The following FMN1 variants were observed in gnomAD, a reference collection of about 807,000 sequenced individuals.
FMN1 encodes formin 1.
In FMN1, 110 loss-of-function variants were observed where a neutral mutation model predicts 132.4. That is an observed-to-expected ratio of 0.83 (90% CI 0.71 to 0.97). The LOEUF (loss-of-function observed/expected upper bound fraction) is 0.97. Among genes scored for constraint, FMN1 ranks in the 50% least tolerant of loss-of-function variants. The pLI is 0.00. For missense variants in FMN1, 1,792 were observed against 1,705.3 expected (o/e 1.05, Z -0.90); for synonymous variants, 722 against 651.7 (o/e 1.11, Z -1.64).
chr15:32,908,965 G>T (rs757157124), intron 11 of FMN1, among the ~76,000 whole-genome samples: 14 of 152,146 alleles, frequency 9.2e-5, no homozygotes, highest in Non-Finnish European at 1.9e-4. Flanking sequence ...CTTACTCTTA[G>T]AACAGCCCTA....
chr15:33,049,508 G>T lies in FMN1; in HGVS notation c.2161+15449C>A, dbSNP rs191637685. 6.5e-3 allele frequency among the ~76,000 whole-genome samples: 985 copies of T among 152,298 alleles called. 9 individuals are homozygous for T. Among genetic ancestry groups the T allele is most frequent in the African/African-American group, 0.022 (913 of 41,544 alleles). On this transcript the variant is annotated intron_variant, in intron 6 of 20. Transcript: ENST00000616417. ...TTTCAAGACCAAATTAGTAATTTAT[G>T]ATGGTGATAGTGATAGTAATGACTA...
intron 19 of FMN1, among the ~76,000 whole-genome samples, chr15:32,788,581 A>G (rs1313471777): frequency 6.6e-6 from 1 of 152,200 alleles, no homozygotes; most frequent in African/African-American, 2.4e-5. Context: ...GCGCCCCTCA[A>G]ATCATTCTAC....
intron 7 of FMN1, among the ~76,000 whole-genome samples, chr15:32,989,740 A>G (rs2033316514): frequency 6.6e-6 from 1 of 152,186 alleles, no homozygotes; most frequent in Non-Finnish European, 1.5e-5. Flanking sequence ...GGCCTATGTT[A>G]GGATGATGGG....
In FMN1 at chr15:32,963,852, C is replaced by T. The variant is rs375440996; in HGVS notation, c.3138+255G>A. Reference sequence around the variant, plus strand: ...ACTATTGGCTCCCTTTGCCATCTGCCACTCAAAACCTTCTGAAACATTTCA... The same window carrying T: ...ACTATTGGCTCCCTTTGCCATCTGCTACTCAAAACCTTCTGAAACATTTCA... On this transcript the variant is annotated intron_variant, in intron 9 of 20. Coordinates refer to ENST00000616417, the MANE Select transcript of FMN1 (RefSeq NM_001277313.2). Among the ~76,000 whole-genome samples, 5 of 151,988 alleles carry T rather than the reference C, an allele frequency of 3.3e-5. No homozygotes were observed. The East Asian group carries it at 7.7e-4, about 24-fold the overall frequency.
intron 16 of FMN1, among the ~76,000 whole-genome samples, chr15:32,865,474 AGATGCACATGTAATT>A (rs1408212861): frequency 6.6e-6 from 1 of 152,236 alleles, no homozygotes. Flanking sequence ...AATGAGTTTG[AGATGCACATGTAATT>A]GAGAAATTAA....
At chr15:33,110,522 A>C (rs986565099) in intron 4 of FMN1, among the ~76,000 whole-genome samples, 2 of 152,012 alleles carry the variant, frequency 1.3e-5, no homozygotes, top group Non-Finnish European at 2.9e-5. Flanking sequence ...ATAGTTTTGT[A>C]ACAAAAAGGT....
At chr15:33,081,783 T>C (rs2038470289) in intron 5 of FMN1, among the ~76,000 whole-genome samples, 1 of 152,080 alleles carries the variant, frequency 6.6e-6, no homozygotes, top group African/African-American at 2.4e-5. Flanking sequence ...AAGGGCAGGG[T>C]CTGGCCTTTA....
At chr15:32,950,024 TATATATATACAC>T (rs2061606626) in intron 9 of FMN1, among the ~76,000 whole-genome samples, 3 of 10,544 alleles carry the variant, frequency 2.8e-4, no homozygotes, top group African/African-American at 1.0e-3. Context: ...TACACATATA[TATATATATACAC>T]ATATATATAT....
intron 9 of FMN1, among the ~76,000 whole-genome samples, chr15:32,949,361 C>G (rs531907209): frequency 6.6e-6 from 1 of 152,142 alleles, no homozygotes; most frequent in Admixed American, 6.6e-5. Flanking sequence ...ACCAAGTGAA[C>G]AGAACAGAGA....
At chr15:32,795,193 CA>C (rs2057241287) in intron 19 of FMN1, among the ~76,000 whole-genome samples, 1 of 151,988 alleles carries the variant, frequency 6.6e-6, no homozygotes, top group South Asian at 2.1e-4. Flanking sequence ...CAAAAGAAAA[CA>C]AAACAAAGGC....
chr15:32,785,963 AT>A (rs2056864569), intron 19 of FMN1, among the ~76,000 whole-genome samples: 1 of 152,238 alleles, frequency 6.6e-6, no homozygotes, highest in Non-Finnish European at 1.5e-5. Context: ...AAAGATTTTA[AT>A]ATCACTCGTT....
At position 32,772,590 on chromosome 15, in the gene FMN1, G is replaced by A. The variant is rs1258731; in HGVS notation, c.*1720C>T. The stretch of plus-strand genomic sequence containing the variant: ...TTTTTAGTCATGCATGTTCCTTCTC[G>A]GCTTTTCTGTTTTGCTTGTCTCGTT... On this transcript the variant is annotated 3_prime_UTR_variant, in exon 21 of 21. Coordinates refer to ENST00000616417, the MANE Select transcript of FMN1 (RefSeq NM_001277313.2). 0.19 allele frequency: 29,322 copies of A among 152,134 alleles called. 3,174 individuals are homozygous for A. Among genetic ancestry groups the A allele is most frequent in the Non-Finnish European group, 0.25 (17,102 of 67,994 alleles). 9.4% of individuals were successfully genotyped at this position (152,134 alleles called of 1,614,324 possible). A position where few individuals can be genotyped will look rare whatever the true frequency, so the allele number is the denominator to read the frequency against.
chr15:33,039,654 C>G (rs2036339510), intron 6 of FMN1, among the ~76,000 whole-genome samples: 1 of 152,142 alleles, frequency 6.6e-6, no homozygotes, highest in Non-Finnish European at 1.5e-5. Context: ...CAAATTATCT[C>G]CTTCTGTTCT....
chr15:33,059,593 A>T (rs868133761), intron 6 of FMN1, among the ~76,000 whole-genome samples: 1 of 152,212 alleles, frequency 6.6e-6, no homozygotes, highest in African/African-American at 2.4e-5. Flanking sequence ...AAAAATTTTA[A>T]TCCATCACTC....
intron 10 of FMN1, among the ~76,000 whole-genome samples, chr15:32,915,422 AATG>A (rs1470666507): frequency 6.6e-5 from 10 of 152,346 alleles, no homozygotes; most frequent in African/African-American, 2.2e-4. Flanking sequence ...TTGTAATCAT[AATG>A]ATCACAATGT....
rs73378555 is a variant in FMN1, at chr15:33,092,387, G to A, written c.1868-3413C>T. 3.3e-3 allele frequency among the ~76,000 whole-genome samples: 505 copies of A among 152,238 alleles called. 2 individuals carry two copies. The highest frequency in any genetic ancestry group is 0.012 in the African/African-American group (488 of 41,552). On this transcript the variant is annotated intron_variant, in intron 4 of 20. Coordinates refer to ENST00000616417, the MANE Select transcript of FMN1 (RefSeq NM_001277313.2). ...GTTCCCACTGTTTCACTCCCTCCCT[G>A]CAATATGATCACGCACCCACGGCCT...
intron 9 of FMN1, among the ~76,000 whole-genome samples, chr15:32,949,972 TATATATAC>T (rs2061597453): frequency 2.3e-5 from 1 of 43,290 alleles, no homozygotes; most frequent in African/African-American, 1.6e-4. Context: ...TATACACACA[TATATATAC>T]ACACACATAT....
intron 10 of FMN1, among the ~76,000 whole-genome samples, chr15:32,921,055 A>C (rs1351948382): frequency 1.3e-5 from 2 of 152,208 alleles, no homozygotes; most frequent in African/African-American, 4.8e-5. Context: ...CAGAGCTTAT[A>C]TTCTCGTGGT....
At chr15:32,981,364 C>G (rs2032643755) in intron 7 of FMN1, among the ~76,000 whole-genome samples, 1 of 151,210 alleles carries the variant, frequency 6.6e-6, no homozygotes, top group South Asian at 2.1e-4. Context: ...CGGTGGCAGG[C>G]ACTTGTAGTC....
Sources: gnomAD v4.1 joint callset for allele counts (sites outside exome capture counted in the v4.1 genomes callset) on GRCh38, gnomAD v4.1.1 for gene constraint, MANE v1.5 for transcripts, NCBI Gene and HGNC (gene_info 2026-07-23, HGNC 2026-07-21) for gene names.